SCFD2: variants seen among roughly 807,000 people sequenced by gnomAD.
SCFD2 encodes sec1 family domain-containing protein 2.
SCFD2 carries 54 observed loss-of-function variants against 58.9 expected under a neutral mutation model. That is an observed-to-expected ratio of 0.92 (90% CI 0.74 to 1.15). The LOEUF is 1.15. Among genes scored for constraint, SCFD2 ranks in the 50% most tolerant of loss-of-function variants. The pLI is 0.00. For missense variants in SCFD2, 805 were observed against 836.6 expected, an observed-to-expected ratio of 0.96 and a Z score of 0.47; for synonymous variants, 321 against 335.9, an observed-to-expected ratio of 0.96 and a Z score of 0.49.
chr4:53,223,624 C>A (rs571534684), intron 4 of SCFD2, among the ~76,000 whole-genome samples: 2 of 152,210 alleles, frequency 1.3e-5, no homozygotes, highest in Admixed American at 6.5e-5. Flanking sequence ...CATAGTCTCA[C>A]GGAACATTTT....
At chr4:53,328,145 A>AC (rs1733273950) in intron 2 of SCFD2, among the ~76,000 whole-genome samples, 1 of 18,454 alleles carries the variant, frequency 5.4e-5, no homozygotes, top group African/African-American at 1.2e-4. Flanking sequence ...AAAAAAAAAC[A>AC]AAAAAAAAAC....
At chr4:53,362,324 A>G (rs1578005643) in intron 1 of SCFD2, among the ~76,000 whole-genome samples, 1 of 152,206 alleles carries the variant, frequency 6.6e-6, no homozygotes, top group Non-Finnish European at 1.5e-5. Context: ...GAGATCAGGT[A>G]TGGCCTTGAA....
At chr4:52,960,724 AC>A (rs1720827439) in intron 5 of SCFD2, among the ~76,000 whole-genome samples, 1 of 147,190 alleles carries the variant, frequency 6.8e-6, no homozygotes, top group Non-Finnish European at 1.5e-5. Flanking sequence ...ACACACACAC[AC>A]ACAACACACA....
At chr4:53,085,901 A>G (rs753664646) in intron 5 of SCFD2, among the ~76,000 whole-genome samples, 7 of 152,210 alleles carry the variant, frequency 4.6e-5, no homozygotes, top group Non-Finnish European at 1.0e-4. Flanking sequence ...AATGGATTAA[A>G]GACATAAATA....
Position 53,102,542 on chromosome 4 carries a change from G to A in SCFD2, c.1561+42791C>T, listed in dbSNP as rs369856782. Among the ~76,000 whole-genome samples, 404 of 151,656 alleles carry A rather than the reference G, an allele frequency of 2.7e-3. 4 individuals carry two copies. Among genetic ancestry groups the A allele is most frequent in the African/African-American group, 9.1e-3 (375 of 41,386 alleles). ...GAACTTTTAAAAGTTGATGAAAGGA[G>A]ATCAAAAGTACTCTAGAAAATGGGC... is the stretch of plus-strand genomic sequence containing the variant. On this transcript the variant is annotated intron_variant, in intron 5 of 8. Coordinates refer to ENST00000401642, the MANE Select transcript of SCFD2 (RefSeq NM_152540.4).
intron 5 of SCFD2, among the ~76,000 whole-genome samples, chr4:53,135,618 T>C (rs1725912923): frequency 6.6e-6 from 1 of 152,088 alleles, no homozygotes; most frequent in Non-Finnish European, 1.5e-5. Flanking sequence ...GGTACGTGCC[T>C]GTAGTCTCAG....
intron 5 of SCFD2, among the ~76,000 whole-genome samples, chr4:53,039,412 C>A (rs1722839675): frequency 6.6e-6 from 1 of 152,084 alleles, no homozygotes; most frequent in Non-Finnish European, 1.5e-5. Context: ...CCAGTGACTC[C>A]CAGCTGCCCA....
At chr4:53,146,977 G>C (rs1326576468) in intron 4 of SCFD2, among the ~76,000 whole-genome samples, 1 of 152,144 alleles carries the variant, frequency 6.6e-6, no homozygotes, top group East Asian at 1.9e-4. Context: ...GATAAGCAGG[G>C]ACTAGTGTAG....
chr4:53,205,101 A>C (rs1728366580), intron 4 of SCFD2, among the ~76,000 whole-genome samples: 1 of 152,100 alleles, frequency 6.6e-6, no homozygotes, highest in Non-Finnish European at 1.5e-5. Flanking sequence ...CGAGGAAGAT[A>C]TGGCATGAAG....
At chr4:53,065,400 C>T (rs762525560) in intron 5 of SCFD2, among the ~76,000 whole-genome samples, 3 of 152,100 alleles carry the variant, frequency 2.0e-5, no homozygotes, top group Non-Finnish European at 4.4e-5. Flanking sequence ...TGTAAGAACA[C>T]TTACAATACA....
chr4:52,896,427 C>T (rs1719014448), intron 7 of SCFD2, among the ~76,000 whole-genome samples: 2 of 152,208 alleles, frequency 1.3e-5, no homozygotes, highest in African/African-American at 2.4e-5. Context: ...GATCCTTTCC[C>T]CATTGCTTGT....
intron 5 of SCFD2, chr4:52,949,873 AAG>A (rs1300538630): frequency 1.3e-5 from 2 of 152,232 alleles, no homozygotes; most frequent in African/African-American, 4.8e-5. Context: ...AGAATCCAGA[AAG>A]AAGTGCAGCC....
At chr4:53,034,809 T>C (rs1722714643) in intron 5 of SCFD2, among the ~76,000 whole-genome samples, 1 of 152,072 alleles carries the variant, frequency 6.6e-6, no homozygotes, top group Non-Finnish European at 1.5e-5. Context: ...AAACCACTGC[T>C]CAACGAAATA....
intron 4 of SCFD2, among the ~76,000 whole-genome samples, chr4:53,250,516 T>G (rs972719583): frequency 1.3e-5 from 2 of 152,134 alleles, no homozygotes; most frequent in African/African-American, 4.8e-5. Context: ...TCAGCAAATG[T>G]AAAAGAACAG....
intron 4 of SCFD2, among the ~76,000 whole-genome samples, chr4:53,175,328 C>T (rs1459174360): frequency 7.2e-5 from 11 of 152,098 alleles, no homozygotes; most frequent in Non-Finnish European, 8.8e-5. Context: ...TGTTCAAATT[C>T]ACTTGAGACA....
intron 3 of SCFD2, among the ~76,000 whole-genome samples, chr4:53,292,292 AATCT>A (rs886945794): frequency 6.6e-5 from 10 of 152,216 alleles, no homozygotes; most frequent in African/African-American, 9.7e-5. Flanking sequence ...AAATTTTTGC[AATCT>A]ATCTATCTGG....
intron 5 of SCFD2, among the ~76,000 whole-genome samples, chr4:53,133,098 G>T (rs1447592085): frequency 6.6e-6 from 1 of 152,102 alleles, no homozygotes; most frequent in Non-Finnish European, 1.5e-5. Flanking sequence ...GGAGGCCGAG[G>T]CGGGTGGATC....
chr4:53,110,648 T>C lies in SCFD2; in HGVS notation c.1561+34685A>G, dbSNP rs531456747. Among the ~76,000 whole-genome samples the C allele has an allele frequency of 3.3e-5, 5 of 152,268 alleles. No homozygotes were observed. In the South Asian group the frequency reaches 8.3e-4, roughly 25 times the overall value. ...AAAACCACAATGAGATACCACATCA[T>C]GCCAGTTAGAATGGCAATCATTAAA... On this transcript the variant is annotated intron_variant, in intron 5 of 8. Coordinates refer to ENST00000401642, the MANE Select transcript of SCFD2 (RefSeq NM_152540.4).
At chr4:53,326,995 T>C (rs1403091172) in intron 2 of SCFD2, among the ~76,000 whole-genome samples, 1 of 143,418 alleles carries the variant, frequency 7.0e-6, no homozygotes, top group Non-Finnish European at 1.5e-5. Context: ...TATAATAAAG[T>C]CCAAATAAGA....
Sources: allele counts gnomAD v4.1 joint callset (sites outside exome capture counted in the v4.1 genomes callset), GRCh38; gene constraint gnomAD v4.1.1; transcripts MANE v1.5; gene names NCBI Gene and HGNC (gene_info 2026-07-23, HGNC 2026-07-21).